The following B9D1 variants were observed in gnomAD, a reference collection of about 807,000 sequenced individuals.
The protein encoded by B9D1 is B9 domain containing 1.
A neutral mutation model predicts 26.1 loss-of-function variants in B9D1; 20 were observed. That is an observed-to-expected ratio of 0.77 (90% CI 0.54 to 1.12). The LOEUF (loss-of-function observed/expected upper bound fraction) is 1.12, where lower values mean the gene tolerates loss of function less well. B9D1 is among the 50% of genes most tolerant of loss of function. The probability of loss-of-function intolerance (pLI) is 0.00; values close to 1 mark genes in which losing one functional copy is unlikely to be tolerated. For missense variants in B9D1, 260 were observed against 273.7 expected (o/e 0.95, Z 0.35); for synonymous variants, 105 against 103.1 (o/e 1.02, Z -0.11).
At chr17:19,363,241 G>T (rs763559595), upstream of B9D1, among the ~76,000 whole-genome samples, 1 of 152,226 alleles carries the variant, frequency 6.6e-6, no homozygotes, top group Non-Finnish European at 1.5e-5. Flanking sequence ...AAACTTGGGA[G>T]GGACCTCAAG....
upstream of B9D1, among the ~76,000 whole-genome samples, chr17:19,365,991 C>T (rs1911575006): frequency 6.6e-6 from 1 of 151,934 alleles, no homozygotes; most frequent in African/African-American, 2.4e-5. The surrounding 1 kb of genome is among the most constrained non-coding windows in gnomAD (Gnocchi z 5.0). Context: ...CCTAGCTCAT[C>T]ATCTCCTACC....
At chr17:19,358,065 CAA>C in intron 2 of B9D1, 114 bp from the exon 3 acceptor site, 1 of 758,024 alleles carries the variant, frequency 1.3e-6, no homozygotes, top group Non-Finnish European at 2.3e-6. Context: ...TGTCTTCTCC[CAA>C]GACACGAACT....
chr17:19,362,750 TA>T, upstream of B9D1: 1 of 1,484,318 alleles, frequency 6.7e-7, no homozygotes, highest in East Asian at 2.7e-5. Context: ...GGCGCCGTTA[TA>T]AGGGGGCGGG....
rs748626836 is a variant in B9D1, at chr17:19,362,585, G to T, written c.-16C>A. The T allele has an allele frequency of 1.3e-6, 2 of 1,587,182 alleles. No individual in the cohort carries two copies. The highest frequency in any genetic ancestry group is 1.7e-6 in the Non-Finnish European group (2 of 1,166,802). Reference sequence around the variant, plus strand: ...CGGTCGCCATGGCAGGTCTGGGGGTGCCGGGGGGACCCACCTAGGCCGCGC... The same window carrying T: ...CGGTCGCCATGGCAGGTCTGGGGGTTCCGGGGGGACCCACCTAGGCCGCGC... On this transcript the variant is annotated 5_prime_UTR_variant, in exon 1 of 7. Coordinates refer to ENST00000261499, the MANE Select transcript of B9D1 (RefSeq NM_015681.6).
At chr17:19,341,055 GTGTTCACTGTAAAATGA>G, downstream of B9D1, 17 of 1,069,480 alleles carry the variant, frequency 1.6e-5, no homozygotes, top group Non-Finnish European at 2.0e-5. Context: ...TGGGTATGTG[GTGTTCACTGTAAAATGA>G]TGTCAACTTT....
upstream of B9D1, among the ~76,000 whole-genome samples, chr17:19,366,929 G>A (rs565466341): frequency 1.2e-4 from 19 of 152,300 alleles, no homozygotes; most frequent in African/African-American, 4.3e-4. Flanking sequence ...GGGGCTGAGA[G>A]GCCAAAGAGA....
intron 5 of B9D1, among the ~76,000 whole-genome samples, chr17:19,346,278 C>T (rs1234773703): frequency 6.6e-6 from 1 of 152,220 alleles, no homozygotes; most frequent in Non-Finnish European, 1.5e-5. Context: ...CACACAAATT[C>T]TCAGGCTGAG....
intron 1 of B9D1, among the ~76,000 whole-genome samples, chr17:19,369,347 G>A (rs1008828116): frequency 2.0e-5 from 3 of 152,228 alleles, no homozygotes; most frequent in Non-Finnish European, 4.4e-5. Flanking sequence ...TCTTCCCAGG[G>A]CCGCGTTCGG....
downstream of B9D1, chr17:19,341,086 A>C: frequency 8.2e-7 from 1 of 1,214,716 alleles, no homozygotes; most frequent in Non-Finnish European, 1.0e-6. Context: ...CAACTTTTCC[A>C]CATTTAGACA....
intron 1 of B9D1, among the ~76,000 whole-genome samples, chr17:19,377,356 A>G (rs1168487595): frequency 6.6e-6 from 1 of 152,226 alleles, no homozygotes; most frequent in Non-Finnish European, 1.5e-5. Flanking sequence ...GTACACTATA[A>G]AAGGATGAGT....
chr17:19,358,798 CA>C (rs1393786684), intron 2 of B9D1, among the ~76,000 whole-genome samples: 2 of 152,302 alleles, frequency 1.3e-5, no homozygotes, highest in South Asian at 2.1e-4. Flanking sequence ...CGATGATTCC[CA>C]AATTTATGTC....
At chr17:19,373,135 T>A (rs1911970272) in intron 1 of B9D1, among the ~76,000 whole-genome samples, 1 of 152,202 alleles carries the variant, frequency 6.6e-6, no homozygotes, top group African/African-American at 2.4e-5. Flanking sequence ...GAACCCATGC[T>A]GGGACTGACA....
At chr17:19,368,434 C>T (rs1281440339) in intron 1 of B9D1, among the ~76,000 whole-genome samples, 1 of 152,180 alleles carries the variant, frequency 6.6e-6, no homozygotes, top group Non-Finnish European at 1.5e-5. Flanking sequence ...ACTCTTCCCC[C>T]TCACTGGCTA....
At chr17:19,361,881 T>G (rs1440948214) in intron 1 of B9D1, among the ~76,000 whole-genome samples, 2 of 152,176 alleles carry the variant, frequency 1.3e-5, no homozygotes, top group Admixed American at 1.3e-4. Flanking sequence ...ATGGGGGTGT[T>G]AGTAGTGCCT....
intron 3 of B9D1, 46 bp downstream of exon 3, chr17:19,357,794 T>C: frequency 7.1e-7 from 1 of 1,400,856 alleles, no homozygotes. Flanking sequence ...GGGGGTGCTG[T>C]GTGAAAGCTC....
upstream of B9D1, among the ~76,000 whole-genome samples, chr17:19,365,441 T>A (rs1410359933): frequency 6.6e-6 from 1 of 152,216 alleles, no homozygotes; most frequent in African/African-American, 2.4e-5. This position sits in a 1 kb window ranked among gnomAD's most constrained non-coding sequence, Gnocchi z 5.0. Flanking sequence ...AGTTGGCGCC[T>A]GTGAGCACCC....
intron 1 of B9D1, among the ~76,000 whole-genome samples, chr17:19,360,705 T>G (rs1456029243): frequency 2.0e-5 from 3 of 152,202 alleles, no homozygotes; most frequent in Non-Finnish European, 4.4e-5. Context: ...CAAGCTGGTT[T>G]AAGGTCTCCT....
downstream of B9D1, chr17:19,341,183 A>G: frequency 2.4e-6 from 3 of 1,231,470 alleles, no homozygotes; most frequent in Non-Finnish European, 3.0e-6. Context: ...AGGCTGGACA[A>G]ATGGGGCCTG....
downstream of B9D1, chr17:19,337,480 T>C (rs1320661821): frequency 2.0e-6 from 1 of 499,874 alleles, no homozygotes; most frequent in East Asian, 3.1e-5. Flanking sequence ...TCTGTGCAAG[T>C]GCCTGGCTCC....
Sources: gnomAD v4.1 joint callset for allele counts (sites outside exome capture counted in the v4.1 genomes callset) on GRCh38, gnomAD v4.1.1 for gene constraint, Gnocchi (gnomAD v3.1) non-coding constraint, MANE v1.5 for transcripts, NCBI Gene and HGNC (gene_info 2026-07-23, HGNC 2026-07-21) for gene names.